The following SCARB1 variants were observed in gnomAD, a reference collection of about 807,000 sequenced individuals.
SCARB1 encodes the protein CD36 and LIMPII analogous 1.
Under a neutral mutation model 57.2 loss-of-function variants are expected in SCARB1, and 30 were observed. That is an observed-to-expected ratio of 0.52 (90% CI 0.39 to 0.71). SCARB1 has a LOEUF of 0.71. Among genes scored for constraint, SCARB1 ranks in the 30% least tolerant of loss-of-function variants. SCARB1 has a pLI of 0.00. For synonymous variants in SCARB1, 249 were observed against 268.3 expected, an observed-to-expected ratio of 0.93 and a Z score of 0.70; for missense variants, 543 against 671.2, an observed-to-expected ratio of 0.81 and a Z score of 2.11.
In SCARB1 at chr12:124,817,092, G is replaced by A. The variant is rs936778342; in HGVS notation, c.284+458C>T. ...TAGGTACATGTGTGTGTATGTATGT[G>A]TGTGTGTATGTGTATGTACGTGTGT... On this transcript the variant is annotated intron_variant, in intron 2 of 12. Coordinates refer to ENST00000261693, the MANE Select transcript of SCARB1 (RefSeq NM_005505.5). The surrounding 1 kb of genome is among the most constrained non-coding windows in gnomAD (Gnocchi z 4.8). 1.3e-5 allele frequency among the ~76,000 whole-genome samples: 2 copies of A among 149,298 alleles called. No homozygotes were observed. The highest frequency in any genetic ancestry group is 6.7e-5 in the Admixed American group (1 of 14,934).
At chr12:124,862,908 T>C (rs1430566240) in intron 1 of SCARB1, among the ~76,000 whole-genome samples, 1 of 152,214 alleles carries the variant, frequency 6.6e-6, no homozygotes, top group Non-Finnish European at 1.5e-5. Flanking sequence ...TAAGGCTGCG[T>C]GCACTCAGAG....
Position 124,822,158 on chromosome 12 carries a change from G to A in SCARB1, c.127-4451C>T, listed in dbSNP as rs141408305. Among the ~76,000 whole-genome samples, 3 of 152,324 alleles carry A rather than the reference G, an allele frequency of 2.0e-5. No homozygotes were observed. The highest frequency in any genetic ancestry group is 3.4e-3 in the Middle Eastern group (1 of 294). ...AAAAGAAGATGGTGGAGGAGTGCCT[G>A]GCAGAGGACACAGCCTGTGCAAAGG... On this transcript the variant is annotated intron_variant, in intron 1 of 12. Coordinates refer to ENST00000261693, the MANE Select transcript of SCARB1 (RefSeq NM_005505.5). The surrounding 1 kb of genome is among the most constrained non-coding windows in gnomAD (Gnocchi z 5.0).
chr12:124,811,576 C>A (rs989258568), intron 5 of SCARB1, among the ~76,000 whole-genome samples: 1 of 152,132 alleles, frequency 6.6e-6, no homozygotes, highest in African/African-American at 2.4e-5. Context: ...GCCCGGCCTT[C>A]AAAACATTTT....
intron 12 of SCARB1, 65 bp downstream of exon 12, chr12:124,782,618 A>C (rs1461457884): frequency 3.2e-6 from 5 of 1,547,530 alleles, no homozygotes; most frequent in African/African-American, 2.7e-5. Context: ...AAATGTTTTA[A>C]GCCGCCAGCA....
chr12:124,841,743 C>T (rs940286978), intron 1 of SCARB1, among the ~76,000 whole-genome samples: 1 of 152,150 alleles, frequency 6.6e-6, no homozygotes, highest in African/African-American at 2.4e-5. Flanking sequence ...AGAGCCCCTC[C>T]TCTGAGAGGC....
At chr12:124,809,470 C>T (rs1490931199) in intron 6 of SCARB1, among the ~76,000 whole-genome samples, 1 of 152,102 alleles carries the variant, frequency 6.6e-6, no homozygotes, top group Non-Finnish European at 1.5e-5. Flanking sequence ...TAAAAAGTGG[C>T]CACACAGAGC....
At chr12:124,790,034 G>A (rs1035394609) in intron 9 of SCARB1, among the ~76,000 whole-genome samples, 16 of 142,900 alleles carry the variant, frequency 1.1e-4, no homozygotes, top group Non-Finnish European at 1.5e-4. Flanking sequence ...GAGGGAAGCA[G>A]GAGGTTAGAG....
At position 124,814,576 on chromosome 12, in the gene SCARB1, T is replaced by C. The variant is rs996657870; in HGVS notation, c.427-171A>G. Among the ~76,000 whole-genome samples, 2 of 152,144 alleles carry C rather than the reference T, an allele frequency of 1.3e-5. No individual in the cohort carries two copies. Among genetic ancestry groups the C allele is most frequent in the African/African-American group, 2.4e-5 (1 of 41,518 alleles). On this transcript the variant is annotated intron_variant, in intron 3 of 12. Coordinates refer to ENST00000261693, the MANE Select transcript of SCARB1 (RefSeq NM_005505.5). The surrounding 1 kb of genome is among the most constrained non-coding windows in gnomAD (Gnocchi z 4.7). ...GGACACCAGAACCACCCTCTGCTCC[T>C]CCAGTGCCAAGGCCACATGTGCTCC...
At position 124,814,868 on chromosome 12, in the gene SCARB1, G is replaced by T; in HGVS notation, c.426+105C>A. ...CCACCCACCAGGCGTGAGTCCCCAC[G>T]CTCCGACCACCTCAGGGACTGCTCT... On this transcript the variant is annotated intron_variant, in intron 3 of 12. Transcript: ENST00000261693. This position sits in a 1 kb window ranked among gnomAD's most constrained non-coding sequence, Gnocchi z 4.7. 6.8e-7 allele frequency: 1 copy of T among 1,471,472 alleles called. No individual in the cohort carries two copies. The highest frequency in any genetic ancestry group is 9.4e-7 in the Non-Finnish European group (1 of 1,068,132). 91.2% of individuals were successfully genotyped at this position (1,471,472 alleles called of 1,614,324 possible). A position where few individuals can be genotyped will look rare whatever the true frequency, so the allele number is the denominator to read the frequency against.
intron 1 of SCARB1, among the ~76,000 whole-genome samples, chr12:124,852,361 G>GC (rs1414853727): frequency 6.6e-6 from 1 of 152,222 alleles, no homozygotes; most frequent in Non-Finnish European, 1.5e-5. Flanking sequence ...GCATCCCAGG[G>GC]ACCCAGGCTT....
In SCARB1 at chr12:124,809,979, T is replaced by A. The variant is rs34041907; in HGVS notation, c.842+195A>T. Among the ~76,000 whole-genome samples, 470 of 152,282 alleles carry A rather than the reference T, an allele frequency of 3.1e-3. 8 individuals carry two copies. The East Asian group carries it at 0.057, about 19-fold the overall frequency. The stretch of plus-strand genomic sequence containing the variant: ...GCAAACCACCACCAGCAGCCTCTCT[T>A]TGGGCTGTGTAGAGGCATTGGCAGC... On this transcript the variant is annotated intron_variant, in intron 6 of 12. Transcript: ENST00000261693.
intron 7 of SCARB1, among the ~76,000 whole-genome samples, chr12:124,805,840 G>A (rs1183077922): frequency 2.1e-5 from 3 of 146,012 alleles, no homozygotes; most frequent in Non-Finnish European, 3.0e-5. Flanking sequence ...ACAGGGTTGT[G>A]ATTACAGGCG....
intron 1 of SCARB1, among the ~76,000 whole-genome samples, chr12:124,846,758 A>AAT (rs1952174075): frequency 7.4e-6 from 1 of 135,616 alleles, no homozygotes. Context: ...AAAAAAAAAA[A>AAT]GACAGATGAA....
chr12:124,852,896 T>C (rs1161410637), intron 1 of SCARB1, among the ~76,000 whole-genome samples: 1 of 152,124 alleles, frequency 6.6e-6, no homozygotes. Context: ...CCAAATTAGC[T>C]GGGCATAGTG....
chr12:124,778,345 TCCCTA>T lies in SCARB1; in HGVS notation c.*237_*241del. 3.9e-6 allele frequency: 4 copies of T among 1,013,482 alleles called. No individual in the cohort carries two copies. The highest frequency in any genetic ancestry group is 5.1e-6 in the Non-Finnish European group (4 of 785,564). The allele number at this position is 1,013,482 out of a possible 1,614,324, so 62.8% of individuals were successfully genotyped here. A position where few individuals can be genotyped will look rare whatever the true frequency, so the allele number is the denominator to read the frequency against. ...AGAACAGTGCTTGTTGACGAGCCTC[TCCCTA>T]CAAGTCCCTTCAGCAGCAGCTCCAT... On this transcript the variant is annotated 3_prime_UTR_variant, in exon 13 of 13. Coordinates refer to ENST00000261693, the MANE Select transcript of SCARB1 (RefSeq NM_005505.5).
chr12:124,792,151 T>C (rs1042419504), intron 9 of SCARB1, among the ~76,000 whole-genome samples: 2 of 152,112 alleles, frequency 1.3e-5, no homozygotes, highest in Admixed American at 1.3e-4. Flanking sequence ...CAATGGGAAT[T>C]GTATTCAAGT....
At chr12:124,832,068 G>A (rs1326908839) in intron 1 of SCARB1, among the ~76,000 whole-genome samples, 7 of 152,196 alleles carry the variant, frequency 4.6e-5, no homozygotes, top group Non-Finnish European at 8.8e-5. Flanking sequence ...CGAAGGAAAC[G>A]TGAATCCTGT....
At chr12:124,854,891 G>A (rs1331457157) in intron 1 of SCARB1, among the ~76,000 whole-genome samples, 1 of 152,134 alleles carries the variant, frequency 6.6e-6, no homozygotes, top group African/African-American at 2.4e-5. Flanking sequence ...TGGGGTTCAG[G>A]GGAAAGGTCT....
In SCARB1 at chr12:124,799,216, T is replaced by G. The variant is rs183452712; in HGVS notation, c.1128+908A>C. On this transcript the variant is annotated intron_variant, in intron 8 of 12. Transcript: ENST00000261693. Reference sequence around the variant, plus strand: ...TGTACACTCAAAAATAGACAGCTTTTCTTCTTCAATTTAGAGAATTAATTT... The same window carrying G: ...TGTACACTCAAAAATAGACAGCTTTGCTTCTTCAATTTAGAGAATTAATTT... Among the ~76,000 whole-genome samples the G allele has an allele frequency of 3.2e-3, 485 of 152,312 alleles. 1 individual carries two copies. The highest frequency in any genetic ancestry group is 5.0e-3 in the Non-Finnish European group (343 of 68,028).
Sources: allele counts gnomAD v4.1 joint callset (sites outside exome capture counted in the v4.1 genomes callset), GRCh38; gene constraint gnomAD v4.1.1; non-coding constraint Gnocchi (gnomAD v3.1); transcripts MANE v1.5; gene names NCBI Gene and HGNC (gene_info 2026-07-23, HGNC 2026-07-21).